Variants in ABCA5 observed in about 807,000 individuals in gnomAD.
ABCA5 encodes ATP binding cassette subfamily A member 5.
ABCA5 carries 163 observed loss-of-function variants against 206.0 expected under a neutral mutation model. The ratio of observed to expected loss-of-function variants is 0.79; its 90% CI spans 0.70 to 0.90. The LOEUF is 0.90. ABCA5 is among the 40% of genes least tolerant of loss of function. The probability of loss-of-function intolerance (pLI) is 0.00; values close to 1 mark genes in which losing one functional copy is unlikely to be tolerated. For missense variants in ABCA5, 1,859 were observed against 1,912.9 expected, an observed-to-expected ratio of 0.97 and a Z score of 0.53; for synonymous variants, 609 against 613.8, an observed-to-expected ratio of 0.99 and a Z score of 0.11.
At chr17:69,285,252 T>C (rs893345164) in intron 17 of ABCA5, 3 of 152,186 alleles carry the variant, frequency 2.0e-5, no homozygotes, top group African/African-American at 7.2e-5. Flanking sequence ...TATAAGTAGA[T>C]AGAATGATAG....
intron 20 of ABCA5, 128 bp downstream of exon 20, chr17:69,273,831 T>C (rs1157023501): frequency 5.7e-6 from 5 of 873,132 alleles, no homozygotes; most frequent in Non-Finnish European, 6.7e-6. Context: ...TATTGAACTA[T>C]AATTTAGATT....
intron 36 of ABCA5, 63 bp from the exon 37 acceptor site, chr17:69,250,047 A>C (rs1043755595): frequency 5.8e-5 from 59 of 1,021,576 alleles, no homozygotes; most frequent in Non-Finnish European, 7.9e-5. Flanking sequence ...TCTAAAGCTA[A>C]AGTTCAACAT....
intron 21 of ABCA5, 31 bp from the exon 22 acceptor site, chr17:69,270,781 A>C: frequency 6.6e-7 from 1 of 1,506,814 alleles, no homozygotes; most frequent in Non-Finnish European, 8.8e-7. Context: ...CTTATTACAT[A>C]CTGTATATAA....
At chr17:69,251,936 A>C (rs1180485634) in intron 34 of ABCA5, 70 bp from the exon 35 acceptor site, 4 of 1,556,910 alleles carry the variant, frequency 2.6e-6, no homozygotes, top group East Asian at 2.3e-5. Context: ...GTTTTTAAAA[A>C]TCCAACCGGT....
Position 69,264,895 on chromosome 17 carries a change from T to C in ABCA5, c.3155A>G (p.Tyr1052Cys). ...AAGACCTGAAAGTTTAAGTTGAGTA[T>C]AAGCTTTGATCTAAAAAAAATGAAA... ...ENAENHKIKA[Y>C]TQLKLSGLLP... The change falls in exon 24 of 39, where the codon TAT (tyrosine) becomes TGT (cysteine). Residue 1052 changes from tyrosine to cysteine, a missense_variant. By Grantham distance (194) the Tyr-to-Cys change is radical. Transcript: ENST00000392676. The C allele has an allele frequency of 2.0e-6, 3 of 1,522,912 alleles. No homozygotes were observed. The highest frequency in any genetic ancestry group is 1.4e-5 in the African/African-American group (1 of 71,092). The allele number at this position is 1,522,912 out of a possible 1,614,324, so 94.3% of individuals were successfully genotyped here.
Position 69,287,663 on chromosome 17 carries a change from C to A in ABCA5, c.1991G>T (p.Arg664Leu). 6.2e-7 allele frequency: 1 copy of A among 1,613,828 alleles called. No individual in the cohort carries two copies. The highest frequency in any genetic ancestry group is 1.1e-5 in the South Asian group (1 of 91,056). ...GAAATGAGTACTGAACACTGTCACC[C>A]GATTGGCTTTTCTGTATTTTAAAAG... Reference protein sequence around the residue: ...WNLLKYRKANRVTVFSTHFMD... With the variant: ...WNLLKYRKANLVTVFSTHFMD... Residue 664 changes from arginine to leucine, a missense_variant, in exon 15 of 39, where the codon CGG becomes CTG. Arg to Leu is a moderately radical substitution (Grantham distance 102). Coordinates refer to ENST00000392676, the MANE Select transcript of ABCA5 (RefSeq NM_172232.4).
rs1400825300 is a variant in ABCA5 at position 69,303,813 on chromosome 17, CAT to C, written c.930+854_930+855del. Reference sequence around the variant, plus strand: ...ATATATATATATATATATATACATACATATATATATATGTATATATATATATA... The same window carrying C: ...ATATATATATATATATATATACATACATATATATATGTATATATATATATA... On this transcript the variant is annotated intron_variant, in intron 7 of 38. Coordinates refer to ENST00000392676, the MANE Select transcript of ABCA5 (RefSeq NM_172232.4). Among the ~76,000 whole-genome samples the C allele has an allele frequency of 1.6e-3, 6 of 3,854 alleles. 1 individual carries two copies. Among genetic ancestry groups the C allele is most frequent in the African/African-American group, 2.1e-3 (6 of 2,856 alleles). The allele number at this position is 3,854 out of a possible 152,430, so 2.5% of individuals were successfully genotyped here.
intron 9 of ABCA5, among the ~76,000 whole-genome samples, chr17:69,298,112 G>A (rs923948654): frequency 6.6e-6 from 1 of 152,142 alleles, no homozygotes; most frequent in African/African-American, 2.4e-5. Flanking sequence ...CTTGAGCCCA[G>A]GAGGCTGAGC....
chr17:69,287,768 G>A lies in ABCA5; in HGVS notation c.1903-17C>T, dbSNP rs772980221. 1 of 1,607,152 alleles carries A rather than the reference G, an allele frequency of 6.2e-7. No individual in the cohort carries two copies. Among genetic ancestry groups the A allele is most frequent in the Non-Finnish European group, 8.5e-7 (1 of 1,176,932 alleles). On this transcript the variant is annotated splice_polypyrimidine_tract_variant and intron_variant, in intron 14 of 38. Coordinates refer to ENST00000392676, the MANE Select transcript of ABCA5 (RefSeq NM_172232.4). ...CAGCAGTATCTGTGTGAAAAGAGGT[G>A]AAGAAGGGCAGGGAATCCTCAGAAA... is the stretch of plus-strand genomic sequence containing the variant.
At chr17:69,300,584 A>G (rs1182716596) in intron 9 of ABCA5, among the ~76,000 whole-genome samples, 1 of 152,232 alleles carries the variant, frequency 6.6e-6, no homozygotes, top group Non-Finnish European at 1.5e-5. Flanking sequence ...TGCTACTGAA[A>G]AAAATAAATT....
chr17:69,302,873 T>C lies in ABCA5; in HGVS notation c.964A>G (p.Lys322Glu). 35 of 1,563,996 alleles carry C rather than the reference T, an allele frequency of 2.2e-5. No homozygotes were observed. The highest frequency in any genetic ancestry group is 2.9e-5 in the Non-Finnish European group (34 of 1,161,102). Residue 322 changes from lysine to glutamate, a missense_variant, in exon 8 of 39, where the codon AAA becomes GAA. By Grantham distance (56) the Lys-to-Glu change is moderately conservative. Transcript: ENST00000392676. ...ACTATTCCCACATGTTTTGATTTTT[T>C]AAAAAGAGGTGTCAGCATTAAAGCA... The part of the protein sequence containing the change: ...FFALMLTPLF[K>E]KSKHVGIVEF...
chr17:69,277,207 C>T (rs1220136509), intron 19 of ABCA5, among the ~76,000 whole-genome samples: 1 of 151,960 alleles, frequency 6.6e-6, no homozygotes, highest in Non-Finnish European at 1.5e-5. Context: ...CTCATTTTTC[C>T]TGCTACTTAC....
At chr17:69,282,274 C>T (rs1286057392) in intron 18 of ABCA5, among the ~76,000 whole-genome samples, 1 of 152,122 alleles carries the variant, frequency 6.6e-6, no homozygotes, top group African/African-American at 2.4e-5. Context: ...GTAATAATTG[C>T]TCATTCACGG....
At chr17:69,297,741 G>T (rs941528670) in intron 9 of ABCA5, among the ~76,000 whole-genome samples, 1 of 152,164 alleles carries the variant, frequency 6.6e-6, no homozygotes, top group East Asian at 1.9e-4. Flanking sequence ...ACACAACACA[G>T]GCTGAATGTG....
At chr17:69,290,325 T>C (rs771638285) in intron 12 of ABCA5, among the ~76,000 whole-genome samples, 29 of 152,134 alleles carry the variant, frequency 1.9e-4, no homozygotes, top group Admixed American at 3.3e-4. Context: ...ACACTTGTAT[T>C]CCAGTAACAA....
chr17:69,283,196 C>G (rs1261865680), intron 18 of ABCA5, among the ~76,000 whole-genome samples: 1 of 151,924 alleles, frequency 6.6e-6, no homozygotes, highest in South Asian at 2.1e-4. Flanking sequence ...GTTGCCAAGA[C>G]TGGTCTGGAA....
chr17:69,276,449 A>G (rs2075333092), intron 19 of ABCA5, among the ~76,000 whole-genome samples: 1 of 152,166 alleles, frequency 6.6e-6, no homozygotes, highest in Non-Finnish European at 1.5e-5. Flanking sequence ...TGTGGCACAT[A>G]TACACCATGG....
intron 6 of ABCA5, among the ~76,000 whole-genome samples, chr17:69,305,824 T>C (rs1469579865): frequency 6.6e-6 from 1 of 152,164 alleles, no homozygotes; most frequent in African/African-American, 2.4e-5. Flanking sequence ...TGACCCATGA[T>C]CATGCCACTA....
chr17:69,264,169 A>G (rs1386136227), intron 24 of ABCA5, among the ~76,000 whole-genome samples: 2 of 152,128 alleles, frequency 1.3e-5, no homozygotes, highest in Non-Finnish European at 2.9e-5. Context: ...CTAATCCATG[A>G]GCATGAAATT....
Sources: gnomAD v4.1 joint callset for allele counts (sites outside exome capture counted in the v4.1 genomes callset) on GRCh38, gnomAD v4.1.1 for gene constraint, MANE v1.5 for transcripts, NCBI Gene and HGNC (gene_info 2026-07-23, HGNC 2026-07-21) for gene names.